SLIT2: variants seen among roughly 807,000 people sequenced by gnomAD.
SLIT2 encodes slit homolog 2 protein.
Under a neutral mutation model 185.7 loss-of-function variants are expected in SLIT2, and 41 were observed. That is an observed-to-expected ratio of 0.22 (90% CI 0.17 to 0.29). The LOEUF (loss-of-function observed/expected upper bound fraction) is 0.29. Ranked by LOEUF, SLIT2 falls within the 10% of genes least tolerant of loss-of-function variation. The probability of loss-of-function intolerance (pLI) is 1.00; values close to 1 mark genes in which losing one functional copy is unlikely to be tolerated. For missense variants in SLIT2, 1,571 were observed against 1,909.0 expected, an observed-to-expected ratio of 0.82 and a Z score of 3.30; for synonymous variants, 693 against 680.2, an observed-to-expected ratio of 1.02 and a Z score of -0.29.
intron 4 of SLIT2, among the ~76,000 whole-genome samples, chr4:20,287,656 G>A (rs1280647276): frequency 6.6e-6 from 1 of 152,084 alleles, no homozygotes; most frequent in Non-Finnish European, 1.5e-5. Context: ...CTTCAGTTGT[G>A]CCTAGAAGCA....
intron 33 of SLIT2, among the ~76,000 whole-genome samples, chr4:20,601,793 G>A (rs1469163145): frequency 6.6e-6 from 1 of 152,148 alleles, no homozygotes; most frequent in African/African-American, 2.4e-5. Flanking sequence ...TTTTGTCTGG[G>A]TGAAGTACAT....
intron 27 of SLIT2, 36 bp from the exon 28 acceptor site, chr4:20,567,482 T>C: frequency 6.2e-7 from 1 of 1,608,606 alleles, no homozygotes; most frequent in South Asian, 1.1e-5. Flanking sequence ...TGCCAAGAAC[T>C]ACTTCACTCG....
At chr4:20,293,481 A>G (rs1442625453) in intron 4 of SLIT2, among the ~76,000 whole-genome samples, 2 of 152,224 alleles carry the variant, frequency 1.3e-5, no homozygotes, top group African/African-American at 4.8e-5. Flanking sequence ...AAGCCTAAAT[A>G]AACAGCAATG....
intron 33 of SLIT2, among the ~76,000 whole-genome samples, chr4:20,601,148 T>C (rs2148965930): frequency 6.6e-6 from 1 of 152,330 alleles, no homozygotes. Context: ...CATTTGATTT[T>C]TGAGCCATTT....
At chr4:20,476,243 A>G (rs1033933012) in intron 5 of SLIT2, among the ~76,000 whole-genome samples, 1 of 152,138 alleles carries the variant, frequency 6.6e-6, no homozygotes, top group Admixed American at 6.5e-5. Context: ...TTATACACAT[A>G]TGGAAAGAAG....
At chr4:20,324,672 C>G (rs1719405406) in intron 4 of SLIT2, among the ~76,000 whole-genome samples, 1 of 152,120 alleles carries the variant, frequency 6.6e-6, no homozygotes, top group Non-Finnish European at 1.5e-5. Context: ...GTAGTTCGTG[C>G]TTTTGTTAAC....
intron 9 of SLIT2, among the ~76,000 whole-genome samples, chr4:20,494,893 T>C (rs1718092166): frequency 6.6e-6 from 1 of 152,120 alleles, no homozygotes; most frequent in Non-Finnish European, 1.5e-5. Flanking sequence ...CAGTCAATAT[T>C]TGAAACCATC....
intron 5 of SLIT2, among the ~76,000 whole-genome samples, chr4:20,472,556 A>ATATATC (rs1560455129): frequency 4.9e-5 from 1 of 20,312 alleles, no homozygotes; most frequent in Non-Finnish European, 7.6e-5. Flanking sequence ...CTATATATAG[A>ATATATC]TATATATCTA....
intron 18 of SLIT2, among the ~76,000 whole-genome samples, chr4:20,536,348 G>C (rs555292490): frequency 6.6e-6 from 1 of 152,160 alleles, no homozygotes; most frequent in South Asian, 2.1e-4. Flanking sequence ...TTGAGGTCAG[G>C]AGTTCCAGGA....
chr4:20,485,412 T>G (rs1189681389), intron 6 of SLIT2, among the ~76,000 whole-genome samples: 1 of 151,986 alleles, frequency 6.6e-6, no homozygotes, highest in Non-Finnish European at 1.5e-5. Context: ...TAATAATCAA[T>G]AATAATAATA....
chr4:20,569,164 G>A (rs17620615), intron 29 of SLIT2, 160 bp downstream of exon 29: 176,032 of 646,354 alleles, frequency 0.27, 26,526 homozygotes, highest in Non-Finnish European at 0.32. Context: ...CTTAAAGATA[G>A]TTTCAGCTAA....
intron 4 of SLIT2, among the ~76,000 whole-genome samples, chr4:20,342,378 GTTTA>G (rs1721028053): frequency 6.6e-6 from 1 of 152,042 alleles, no homozygotes; most frequent in Non-Finnish European, 1.5e-5. Flanking sequence ...TTATAGTGTT[GTTTA>G]TTTGAGTGTT....
intron 4 of SLIT2, among the ~76,000 whole-genome samples, chr4:20,311,048 A>G (rs1718060874): frequency 6.6e-6 from 1 of 152,142 alleles, no homozygotes; most frequent in Non-Finnish European, 1.5e-5. Flanking sequence ...CACACTCAGC[A>G]AATTATTTTT....
At chr4:20,540,379 A>G (rs1300242821) in intron 19 of SLIT2, among the ~76,000 whole-genome samples, 3 of 152,152 alleles carry the variant, frequency 2.0e-5, no homozygotes, top group Non-Finnish European at 4.4e-5. Flanking sequence ...GAGGGGGTCT[A>G]CTATGATATT....
At chr4:20,613,661 G>A (rs974605783) in intron 34 of SLIT2, among the ~76,000 whole-genome samples, 3 of 152,046 alleles carry the variant, frequency 2.0e-5, no homozygotes, top group Non-Finnish European at 2.9e-5. Flanking sequence ...TGTTGGTGGG[G>A]AGTGTAACCC....
chr4:20,364,374 G>A (rs1722954834), intron 4 of SLIT2: 1 of 646,132 alleles, frequency 1.5e-6, no homozygotes, highest in South Asian at 6.9e-5. Context: ...GCTCTCTACT[G>A]CAAAGAGAAA....
intron 4 of SLIT2, among the ~76,000 whole-genome samples, chr4:20,323,008 T>A (rs1719236675): frequency 6.6e-6 from 1 of 152,300 alleles, no homozygotes; most frequent in East Asian, 1.9e-4. Flanking sequence ...TGTCATTAGA[T>A]CCTCATCACA....
intron 4 of SLIT2, among the ~76,000 whole-genome samples, chr4:20,462,249 G>T (rs73801823): frequency 6.6e-6 from 1 of 152,054 alleles, no homozygotes; most frequent in Non-Finnish European, 1.5e-5. Flanking sequence ...ATTTCTCTAT[G>T]ATCTTAAAAA....
At chr4:20,479,664 G>A (rs1231905928) in intron 5 of SLIT2, among the ~76,000 whole-genome samples, 2 of 151,234 alleles carry the variant, frequency 1.3e-5, no homozygotes, top group East Asian at 3.9e-4. Flanking sequence ...ATACAATATA[G>A]TACTTCACTG....
Sources: allele counts gnomAD v4.1 joint callset (sites outside exome capture counted in the v4.1 genomes callset), GRCh38; gene constraint gnomAD v4.1.1; transcripts MANE v1.5; gene names NCBI Gene and HGNC (gene_info 2026-07-23, HGNC 2026-07-21).